DSTYK: variants seen among roughly 807,000 people sequenced by gnomAD.
DSTYK encodes the protein RIP-homologous kinase.
A neutral mutation model predicts 98.7 loss-of-function variants in DSTYK; 34 were observed. That is an observed-to-expected ratio of 0.34 (90% CI 0.26 to 0.46). DSTYK has a LOEUF of 0.46. Ranked by LOEUF, DSTYK falls within the 20% of genes least tolerant of loss-of-function variation. DSTYK has a pLI of 1.00. For missense variants in DSTYK, 962 were observed against 1,181.7 expected, an observed-to-expected ratio of 0.81 and a Z score of 2.73; for synonymous variants, 462 against 457.3, an observed-to-expected ratio of 1.01 and a Z score of -0.13.
At chr1:205,185,043 A>C (rs564988805) in intron 2 of DSTYK, among the ~76,000 whole-genome samples, 4 of 152,072 alleles carry the variant, frequency 2.6e-5, no homozygotes, top group African/African-American at 7.2e-5. Context: ...TCTACTAAAA[A>C]TACAAAAATT....
At position 205,152,600 on chromosome 1, in the gene DSTYK, C is replaced by T. The variant is rs1218866901; in HGVS notation, c.2353-1806G>A. On this transcript the variant is annotated intron_variant, in intron 10 of 12. Transcript: ENST00000367162. Reference sequence around the variant, plus strand: ...AACCTTCCTGTCTCCAGGTTCATTTCCATTACAGGTTGAGTATCCCTTATC... The same window carrying T: ...AACCTTCCTGTCTCCAGGTTCATTTTCATTACAGGTTGAGTATCCCTTATC... 4.6e-5 allele frequency among the ~76,000 whole-genome samples: 7 copies of T among 152,296 alleles called. No homozygotes were observed. In the South Asian group the frequency reaches 1.2e-3, roughly 27 times the overall value.
In DSTYK at chr1:205,153,682, A is replaced by C. The variant is rs116005522; in HGVS notation, c.2353-2888T>G. 2.5e-3 allele frequency among the ~76,000 whole-genome samples: 336 copies of C among 135,468 alleles called. 1 individual carries two copies. The highest frequency in any genetic ancestry group is 8.7e-3 in the African/African-American group (305 of 35,236). The allele number at this position is 135,468 out of a possible 152,430, so 88.9% of individuals were successfully genotyped here. ...TTTCTTAGGAGATACTTAGGAATAA[A>C]ATGTTTTCTGTAACTTACTTTTTGT... On this transcript the variant is annotated intron_variant, in intron 10 of 12. Coordinates refer to ENST00000367162, the MANE Select transcript of DSTYK (RefSeq NM_015375.3).
intron 2 of DSTYK, among the ~76,000 whole-genome samples, chr1:205,186,076 G>T (rs1658551817): frequency 6.6e-6 from 1 of 152,064 alleles, no homozygotes; most frequent in Non-Finnish European, 1.5e-5. Context: ...GAAAACCATT[G>T]AGCTATTGGA....
In DSTYK at chr1:205,145,923, C is replaced by T. The variant is rs1032268453; in HGVS notation, c.*1635G>A. The T allele has an allele frequency of 1.3e-5, 2 of 152,112 alleles. No individual in the cohort carries two copies. Among genetic ancestry groups the T allele is most frequent in the Non-Finnish European group, 2.9e-5 (2 of 68,018 alleles). 9.4% of individuals were successfully genotyped at this position (152,112 alleles called of 1,614,324 possible). ...ATGCACCAATATTTAAATTGTTCCC[C>T]TTCCTCTGCCTAGAATCAGAATTTC... On this transcript the variant is annotated 3_prime_UTR_variant, in exon 13 of 13. Coordinates refer to ENST00000367162, the MANE Select transcript of DSTYK (RefSeq NM_015375.3).
chr1:205,208,409 A>G lies in DSTYK; in HGVS notation c.265+2862T>C, dbSNP rs146089019. ...CATACTTATACTCCAATCATTTCAA[A>G]TTTAGAGTTAATCCCTGGTCTTCTT... On this transcript the variant is annotated intron_variant, in intron 1 of 12. Coordinates refer to ENST00000367162, the MANE Select transcript of DSTYK (RefSeq NM_015375.3). Among the ~76,000 whole-genome samples the G allele has an allele frequency of 7.2e-5, 11 of 152,336 alleles. No individual in the cohort carries two copies. The East Asian group carries it at 2.1e-3, about 29-fold the overall frequency.
At position 205,160,289 on chromosome 1, in the gene DSTYK, G is replaced by C. The variant is rs370797486; in HGVS notation, c.1949-19C>G. On this transcript the variant is annotated intron_variant, in intron 7 of 12. Transcript: ENST00000367162. ...GGTTTACCTATAAGGTACAGAGACA[G>C]AGATAAGGCAGGAGGAATGGGAACT... 3.6e-5 allele frequency: 58 copies of C among 1,604,480 alleles called. No individual in the cohort carries two copies. The highest frequency in any genetic ancestry group is 1.8e-4 in the Middle Eastern group (1 of 5,514).
chr1:205,154,787 T>C (rs1312899515), intron 10 of DSTYK, among the ~76,000 whole-genome samples: 1 of 152,158 alleles, frequency 6.6e-6, no homozygotes, highest in Non-Finnish European at 1.5e-5. Context: ...ACCAAAATGC[T>C]GATAGTGATA....
intron 2 of DSTYK, among the ~76,000 whole-genome samples, chr1:205,175,235 G>T (rs11579220): frequency 0.29 from 44,376 of 151,792 alleles, 8,467 homozygotes; most frequent in Non-Finnish European, 0.43. Flanking sequence ...CATGTTGCTG[G>T]GACTACAGGC....
chr1:205,206,285 G>GTTTTTT (rs1320166936), intron 1 of DSTYK, among the ~76,000 whole-genome samples: 1 of 145,590 alleles, frequency 6.9e-6, no homozygotes, highest in African/African-American at 2.5e-5. Context: ...TTTTTTTTTA[G>GTTTTTT]TTTTTTGTTT....
intron 11 of DSTYK, among the ~76,000 whole-genome samples, chr1:205,148,827 G>T (rs888028268): frequency 2.0e-5 from 3 of 151,790 alleles, no homozygotes; most frequent in African/African-American, 7.3e-5. Context: ...CAATAGGGTG[G>T]ACTGTAATAG....
rs185977322 is a variant in DSTYK at position 205,186,883 on chromosome 1, A to G, written c.654+535T>C. 1.7e-3 allele frequency among the ~76,000 whole-genome samples: 252 copies of G among 152,324 alleles called. 2 individuals are homozygous for G. Among genetic ancestry groups the G allele is most frequent in the Admixed American group, 0.014 (218 of 15,296 alleles). On this transcript the variant is annotated intron_variant, in intron 2 of 12. Transcript: ENST00000367162. ...TACATTGAGCCAGACCTGTCCTCAC[A>G]TTCCCATGTTCCTTATAAAGTAGGA...
intron 1 of DSTYK, among the ~76,000 whole-genome samples, chr1:205,206,176 T>TACGC (rs1273749328): frequency 6.6e-6 from 1 of 152,232 alleles, no homozygotes; most frequent in Non-Finnish European, 1.5e-5. Context: ...TTATCCCCCA[T>TACGC]ACGCAGCACA....
intron 10 of DSTYK, among the ~76,000 whole-genome samples, chr1:205,152,743 G>A (rs1198017077): frequency 2.0e-5 from 3 of 151,812 alleles, no homozygotes; most frequent in African/African-American, 7.3e-5. Context: ...ATGCTCCAGT[G>A]AGCATTCCCT....
At chr1:205,196,046 G>C (rs1261499550) in intron 1 of DSTYK, among the ~76,000 whole-genome samples, 2 of 152,166 alleles carry the variant, frequency 1.3e-5, no homozygotes, top group Non-Finnish European at 2.9e-5. Flanking sequence ...ATGATCCAAA[G>C]GTGGGAATAT....
At chr1:205,172,457 G>A (rs1574770010) in intron 2 of DSTYK, among the ~76,000 whole-genome samples, 1 of 110,182 alleles carries the variant, frequency 9.1e-6, no homozygotes, top group Non-Finnish European at 2.4e-5. Context: ...GAGCCACTAC[G>A]CCCAGCTAAT....
At chr1:205,196,758 A>ATTTTTTT (rs113524415) in intron 1 of DSTYK, among the ~76,000 whole-genome samples, 3 of 109,864 alleles carry the variant, frequency 2.7e-5, no homozygotes, top group Non-Finnish European at 5.2e-5. Flanking sequence ...AAAATGGTGA[A>ATTTTTTT]TTTTTTTTTT....
intron 1 of DSTYK, among the ~76,000 whole-genome samples, chr1:205,192,496 T>C (rs1160726156): frequency 2.0e-5 from 3 of 152,136 alleles, no homozygotes; most frequent in Admixed American, 6.5e-5. Flanking sequence ...ATCACGCTAC[T>C]GTGAGACTCT....
Position 205,162,962 on chromosome 1 carries a change from C to A in DSTYK, c.1602G>T (p.Gly534=), listed in dbSNP as rs1657777679. ...CCCATAGCATCCTTGTAACTGACGACCCTGAGTGAAACGTGACTTCAACAT... is the reference window on the plus strand; with the variant it reads ...CCCATAGCATCCTTGTAACTGACGAACCTGAGTGAAACGTGACTTCAACAT... ...AYHVEVTFHS[G]SSVTRMLWEQ... is the part of the protein sequence containing the mutation. Residue 534 remains glycine, a synonymous_variant, in exon 5 of 13, where the codon GGG becomes GGT. Transcript: ENST00000367162. 1.2e-6 allele frequency: 2 copies of A among 1,614,156 alleles called. No homozygotes were observed. Among genetic ancestry groups the A allele is most frequent in the Non-Finnish European group, 1.7e-6 (2 of 1,180,000 alleles).
At chr1:205,156,125 G>T (rs1230893866) in intron 10 of DSTYK, among the ~76,000 whole-genome samples, 1 of 152,270 alleles carries the variant, frequency 6.6e-6, no homozygotes, top group Non-Finnish European at 1.5e-5. Flanking sequence ...TATCCAGGCA[G>T]AAGTTTGCTG....
Sources: allele counts gnomAD v4.1 joint callset (sites outside exome capture counted in the v4.1 genomes callset), GRCh38; gene constraint gnomAD v4.1.1; transcripts MANE v1.5; gene names NCBI Gene and HGNC (gene_info 2026-07-23, HGNC 2026-07-21).